FAP: variants seen among roughly 807,000 people sequenced by gnomAD.
FAP encodes fibroblast activation protein alpha.
In FAP, 110 loss-of-function variants were observed where a neutral mutation model predicts 126.5. That is an observed-to-expected ratio of 0.87 (90% CI 0.74 to 1.02). FAP has a LOEUF of 1.02. Among genes scored for constraint, FAP ranks in the 50% least tolerant of loss-of-function variants. The probability of loss-of-function intolerance (pLI) is 0.00; values close to 1 mark genes in which losing one functional copy is unlikely to be tolerated. For synonymous variants in FAP, 334 were observed against 297.3 expected (o/e 1.12, Z -1.27); for missense variants, 919 against 909.2 (o/e 1.01, Z -0.14).
chr2:162,221,271 C>T lies in FAP; in HGVS notation c.414-1346G>A, dbSNP rs113362155. On this transcript the variant is annotated intron_variant, in intron 6 of 25. Coordinates refer to ENST00000188790, the MANE Select transcript of FAP (RefSeq NM_004460.5). ...AAGATTGACCCAGGCCTGGCCGGCTCGCTCACGCCAGTAATCCCAGCACTT... is the reference window on the plus strand; with the variant it reads ...AAGATTGACCCAGGCCTGGCCGGCTTGCTCACGCCAGTAATCCCAGCACTT... Among the ~76,000 whole-genome samples, 12 of 152,148 alleles carry T rather than the reference C, an allele frequency of 7.9e-5. 1 individual carries two copies. Among genetic ancestry groups the T allele is most frequent in the African/African-American group, 2.9e-4 (12 of 41,518 alleles).
At chr2:162,224,666 A>G in intron 4 of FAP, 126 bp from the exon 5 acceptor site, 1 of 529,994 alleles carries the variant, frequency 1.9e-6, no homozygotes, top group Non-Finnish European at 3.3e-6. Context: ...ATGCAATTGA[A>G]AAAAATATTT....
intron 21 of FAP, among the ~76,000 whole-genome samples, chr2:162,182,530 A>G (rs1039883648): frequency 6.6e-6 from 1 of 152,194 alleles, no homozygotes; most frequent in Non-Finnish European, 1.5e-5. Context: ...TCATCTGGTC[A>G]CTGAGCTGAG....
intron 9 of FAP, 72 bp from the exon 10 acceptor site, chr2:162,216,073 A>G (rs1431595500): frequency 5.5e-6 from 6 of 1,092,168 alleles, no homozygotes; most frequent in African/African-American, 1.6e-5. Context: ...AAACTTTAGG[A>G]ATTTAGATAT....
intron 21 of FAP, 82 bp downstream of exon 21, chr2:162,183,332 T>G: frequency 4.5e-5 from 47 of 1,052,620 alleles, no homozygotes; most frequent in Non-Finnish European, 6.2e-5. Flanking sequence ...TAACATTTCA[T>G]GAGAAACCTT....
At chr2:162,205,367 A>G (rs568112620) in intron 12 of FAP, among the ~76,000 whole-genome samples, 2 of 152,340 alleles carry the variant, frequency 1.3e-5, no homozygotes, top group Non-Finnish European at 1.5e-5. Context: ...CAGGAATAGG[A>G]AACTCTGATT....
At chr2:162,193,393 T>A (rs1688125995) in intron 17 of FAP, among the ~76,000 whole-genome samples, 1 of 152,160 alleles carries the variant, frequency 6.6e-6, no homozygotes, top group South Asian at 2.1e-4. Context: ...CTGACATATC[T>A]GAGGGCGTAC....
intron 10 of FAP, 88 bp from the exon 11 acceptor site, chr2:162,214,161 A>G: frequency 1.6e-6 from 2 of 1,278,246 alleles, no homozygotes; most frequent in East Asian, 2.5e-5. Flanking sequence ...TAAAGGATAT[A>G]TGTCATTATT....
rs1305782731 is a variant in FAP, at chr2:162,207,835, T to C, written c.1047+2117A>G. Among the ~76,000 whole-genome samples, 6 of 151,626 alleles carry C rather than the reference T, an allele frequency of 4.0e-5. No homozygotes were observed. The East Asian group carries it at 1.2e-3, about 30-fold the overall frequency. On this transcript the variant is annotated intron_variant, in intron 12 of 25. Transcript: ENST00000188790. ...ACGCCATTCTCTTGCCTCAGCCTCC[T>C]GAGTAGCTGGGACTACAGGCGCCCG...
chr2:162,197,447 T>A, intron 16 of FAP: 3 of 413,874 alleles, frequency 7.2e-6, no homozygotes, highest in Non-Finnish European at 9.8e-6. Flanking sequence ...GAGAGGGACA[T>A]TTAATGTATA....
intron 12 of FAP, among the ~76,000 whole-genome samples, chr2:162,208,768 ACTC>A (rs1688806895): frequency 6.7e-6 from 1 of 150,274 alleles, no homozygotes. Context: ...GAATACTACT[ACTC>A]TTTTTTTCCT....
chr2:162,221,713 C>T lies in FAP; in HGVS notation c.414-1788G>A, dbSNP rs1251255405. 6.6e-6 allele frequency: 3 copies of T among 456,640 alleles called. No individual in the cohort carries two copies. The Admixed American group carries it at 7.0e-5, about 11-fold the overall frequency. The allele number at this position is 456,640 out of a possible 1,614,324, so 28.3% of individuals were successfully genotyped here. ...CTCAAGCCATCACAGCTGCCATTTT[C>T]TGTTTTCTGAGTCACTAAAGGTATG... On this transcript the variant is annotated intron_variant, in intron 6 of 25. Coordinates refer to ENST00000188790, the MANE Select transcript of FAP (RefSeq NM_004460.5).
At chr2:162,178,538 G>A (rs904386639) in intron 21 of FAP, among the ~76,000 whole-genome samples, 17 of 152,136 alleles carry the variant, frequency 1.1e-4, no homozygotes, top group African/African-American at 3.4e-4. Flanking sequence ...AAAATCGCCC[G>A]GTTAACAACC....
intron 17 of FAP, chr2:162,193,681 G>A (rs529485873): frequency 6.6e-6 from 1 of 151,840 alleles, no homozygotes; most frequent in African/African-American, 2.4e-5. Flanking sequence ...TAGACACAAG[G>A]TTTCAAAAAA....
intron 2 of FAP, among the ~76,000 whole-genome samples, chr2:162,230,326 G>A (rs1689847619): frequency 6.6e-6 from 1 of 151,858 alleles, no homozygotes; most frequent in Admixed American, 6.6e-5. Flanking sequence ...TTGTACATAT[G>A]GGTTTTTGTT....
At chr2:162,201,208 T>C (rs1165841167) in intron 14 of FAP, among the ~76,000 whole-genome samples, 1 of 152,216 alleles carries the variant, frequency 6.6e-6, no homozygotes, top group African/African-American at 2.4e-5. Context: ...TTCACTCTGC[T>C]GTATGTTCAT....
intron 16 of FAP, 198 bp downstream of exon 16, chr2:162,198,559 C>CT: frequency 1.3e-6 from 1 of 784,410 alleles, no homozygotes; most frequent in Non-Finnish European, 1.9e-6. Flanking sequence ...TCCCCAAACT[C>CT]TGTTTCCTCA....
In FAP at chr2:162,240,977, G is replaced by A. The variant is rs1391494900; in HGVS notation, c.91+1931C>T. 1.6e-4 allele frequency among the ~76,000 whole-genome samples: 25 copies of A among 152,148 alleles called. 1 individual carries two copies. Among genetic ancestry groups the A allele is most frequent in the Admixed American group, 1.6e-3 (25 of 15,268 alleles). ...GGAGGCCACCACGCCTAACTTCAGG[G>A]CTGCCTGTGGCACTGACTTCCCCGG... On this transcript the variant is annotated intron_variant, in intron 2 of 25. Coordinates refer to ENST00000188790, the MANE Select transcript of FAP (RefSeq NM_004460.5).
rs1489401525 is a variant in FAP, at chr2:162,237,238, CT to C, written c.91+5669del. On this transcript the variant is annotated intron_variant, in intron 2 of 25. Transcript: ENST00000188790. ...AATTATTGCAATTTTTTAAATTATA[CT>C]TTAAGTTCTAGGATACATTTGCAGG... Among the ~76,000 whole-genome samples the C allele has an allele frequency of 2.0e-5, 3 of 152,202 alleles. No individual in the cohort carries two copies. The East Asian group carries it at 5.8e-4, about 29-fold the overall frequency.
Position 162,188,258 on chromosome 2 carries a change from T to G in FAP, c.1725A>C (p.Arg575=). The G allele has an allele frequency of 6.2e-7, 1 of 1,613,394 alleles. No homozygotes were observed. Among genetic ancestry groups the G allele is most frequent in the Non-Finnish European group, 8.5e-7 (1 of 1,179,540 alleles). The stretch of plus-strand genomic sequence containing the variant: ...GTTTGTCACCTTGGAAAGCTGTTCC[T>G]CGACCATCCACCAAGGCAATGACCA... ...EGMVIALVDG[R]GTAFQGDKLL... Residue 575 remains arginine, a synonymous_variant, in exon 20 of 26, where the codon CGA becomes CGC. Transcript: ENST00000188790.
Sources: allele counts gnomAD v4.1 joint callset (sites outside exome capture counted in the v4.1 genomes callset), GRCh38; gene constraint gnomAD v4.1.1; transcripts MANE v1.5; gene names NCBI Gene and HGNC (gene_info 2026-07-23, HGNC 2026-07-21).